The following NAV2 variants were observed in gnomAD, a reference collection of about 807,000 sequenced individuals.
The protein encoded by NAV2 is helicase, APC down-regulated 1.
In NAV2, 54 loss-of-function variants were observed where a neutral mutation model predicts 223.2. The observed-to-expected ratio is 0.24, with a 90% confidence interval of 0.19 to 0.30. The LOEUF is 0.30. NAV2 is among the 10% of genes least tolerant of loss of function. The pLI, the probability that NAV2 is intolerant of heterozygous loss-of-function variation, is 1.00. For synonymous variants in NAV2, 1,279 were observed against 1,239.3 expected (o/e 1.03, Z -0.67); for missense variants, 2,806 against 3,147.5 (o/e 0.89, Z 2.60).
intron 1 of NAV2, among the ~76,000 whole-genome samples, chr11:19,674,318 G>T (rs775819055): frequency 5.3e-5 from 8 of 152,194 alleles, no homozygotes; most frequent in Non-Finnish European, 1.0e-4. Flanking sequence ...AGGGACGGGA[G>T]GGCGCGCTCT....
chr11:19,387,829 A>G (rs189627416), intron 1 of NAV2, among the ~76,000 whole-genome samples: 1,578 of 146,942 alleles, frequency 0.011, 12 homozygotes, highest in Middle Eastern at 0.051. Context: ...GCATTTACAG[A>G]AAAAAAAGCA....
intron 1 of NAV2, among the ~76,000 whole-genome samples, chr11:19,501,876 G>A (rs2042973656): frequency 6.6e-6 from 1 of 152,112 alleles, no homozygotes; most frequent in Admixed American, 6.6e-5. Context: ...TCGTTGGGTG[G>A]CCCTGGCTTC....
chr11:20,099,781 C>T (rs1202213416), intron 31 of NAV2, among the ~76,000 whole-genome samples: 3 of 152,016 alleles, frequency 2.0e-5, no homozygotes, highest in Non-Finnish European at 2.9e-5. Context: ...GGCAGAAGAC[C>T]GAAACAGAGC....
rs185522205 is a variant in NAV2, at chr11:19,435,447, C to T, written c.75+84420C>T. 8.5e-5 allele frequency among the ~76,000 whole-genome samples: 13 copies of T among 152,246 alleles called. 1 individual carries two copies. Among genetic ancestry groups the T allele is most frequent in the Admixed American group, 8.5e-4 (13 of 15,288 alleles). On this transcript the variant is annotated intron_variant, in intron 1 of 37. Coordinates refer to the NAV2 transcript ENST00000360655. ...GATGAGTAATATTCCATTGTGTATACATACCACATTTAAAAACTCTATTCA... is the reference window on the plus strand; with the variant it reads ...GATGAGTAATATTCCATTGTGTATATATACCACATTTAAAAACTCTATTCA...
intron 1 of NAV2, among the ~76,000 whole-genome samples, chr11:19,392,199 G>A (rs1228804853): frequency 1.3e-5 from 2 of 152,138 alleles, no homozygotes; most frequent in Admixed American, 1.3e-4. Context: ...TGTGCTCATT[G>A]CAAACTATTT....
At chr11:19,881,827 A>G (rs1223919039) in intron 5 of NAV2, among the ~76,000 whole-genome samples, 1 of 152,236 alleles carries the variant, frequency 6.6e-6, no homozygotes, top group Non-Finnish European at 1.5e-5. Context: ...TTTGGTTGAT[A>G]GAAAGGTCTC....
At chr11:19,705,420 G>C (rs748976409) in intron 1 of NAV2, among the ~76,000 whole-genome samples, 9 of 152,116 alleles carry the variant, frequency 5.9e-5, no homozygotes, top group Non-Finnish European at 1.5e-5. Context: ...CCAGCTCCTT[G>C]TTAGAAGACA....
chr11:19,920,830 T>C (rs1418515055), intron 6 of NAV2, among the ~76,000 whole-genome samples: 3 of 152,190 alleles, frequency 2.0e-5, no homozygotes, highest in Non-Finnish European at 4.4e-5. Flanking sequence ...TCTTTCCACT[T>C]CATTATAATT....
At chr11:19,573,359 C>A (rs2045476871) in intron 1 of NAV2, among the ~76,000 whole-genome samples, 1 of 152,158 alleles carries the variant, frequency 6.6e-6, no homozygotes, top group South Asian at 2.1e-4. Context: ...GTTACCCACT[C>A]CGAACTGGAA....
intron 1 of NAV2, among the ~76,000 whole-genome samples, chr11:19,776,737 G>C (rs979667249): frequency 6.0e-5 from 9 of 150,972 alleles, no homozygotes; most frequent in African/African-American, 2.2e-4. Flanking sequence ...ACTGCTCCAG[G>C]GGGAGGCGGC....
At chr11:19,506,591 C>T (rs2043130258) in intron 1 of NAV2, 1 of 152,148 alleles carries the variant, frequency 6.6e-6, no homozygotes, top group South Asian at 2.1e-4. Flanking sequence ...CTAGCAGGCA[C>T]TCAATACAGA....
intron 1 of NAV2, among the ~76,000 whole-genome samples, chr11:19,542,542 T>C (rs2044367845): frequency 1.3e-5 from 2 of 152,236 alleles, no homozygotes. Context: ...TCAGGTTCTA[T>C]ACTGAGGGGT....
Position 19,646,058 on chromosome 11 carries a change from G to C in NAV2, c.76-186426G>C, listed in dbSNP as rs191178717. On this transcript the variant is annotated intron_variant, in intron 1 of 37. Transcript: ENST00000360655. Reference sequence around the variant, plus strand: ...ACGGGCAGTGATACCTCATTGGCTTGATGAAAATGCCTGGCACTGAGCTTT... The same window carrying C: ...ACGGGCAGTGATACCTCATTGGCTTCATGAAAATGCCTGGCACTGAGCTTT... Among the ~76,000 whole-genome samples the C allele has an allele frequency of 1.5e-4, 23 of 152,322 alleles. 1 individual carries two copies. Among genetic ancestry groups the C allele is most frequent in the African/African-American group, 3.6e-4 (15 of 41,584 alleles).
At chr11:20,046,869 AT>A (rs2153591458) in intron 14 of NAV2, among the ~76,000 whole-genome samples, 1 of 152,298 alleles carries the variant, frequency 6.6e-6, no homozygotes, top group Admixed American at 6.5e-5. Context: ...TTCCCAGGAA[AT>A]TTCTTATCAT....
At chr11:19,637,807 C>T (rs1006316610) in intron 1 of NAV2, among the ~76,000 whole-genome samples, 6 of 152,250 alleles carry the variant, frequency 3.9e-5, no homozygotes, top group Non-Finnish European at 8.8e-5. Context: ...GCCCCACCCC[C>T]AACACTGGGG....
chr11:19,974,415 C>T (rs1326406814), intron 10 of NAV2, among the ~76,000 whole-genome samples: 1 of 152,272 alleles, frequency 6.6e-6, no homozygotes, highest in South Asian at 2.1e-4. Context: ...ACAGAGTGAA[C>T]CCTAATGTGA....
At chr11:19,936,313 T>C (rs1009158969) in intron 7 of NAV2, among the ~76,000 whole-genome samples, 7 of 152,218 alleles carry the variant, frequency 4.6e-5, no homozygotes, top group African/African-American at 1.4e-4. Flanking sequence ...AATATGACAG[T>C]CTTTGATCAC....
intron 1 of NAV2, among the ~76,000 whole-genome samples, chr11:19,455,875 G>C (rs552455583): frequency 2.6e-5 from 4 of 152,314 alleles, no homozygotes; most frequent in Admixed American, 2.6e-4. Context: ...GCATCAAAAG[G>C]CTGTGGATAT....
At chr11:19,618,378 ATGGATGGATGGATGG>A in intron 1 of NAV2, among the ~76,000 whole-genome samples, 1 of 100,014 alleles carries the variant, frequency 1.0e-5, no homozygotes, top group Non-Finnish European at 2.0e-5. Context: ...GGATGGATGG[ATGGATGGATGGATGG>A]ATGAATAGAT....
Sources: gnomAD v4.1 joint callset for allele counts (sites outside exome capture counted in the v4.1 genomes callset) on GRCh38, gnomAD v4.1.1 for gene constraint, MANE v1.5 for transcripts, NCBI Gene and HGNC (gene_info 2026-07-23, HGNC 2026-07-21) for gene names.